Variants in MRPL48 observed in about 807,000 individuals in gnomAD.
MRPL48 encodes the protein mitochondrial ribosomal protein L48.
In MRPL48, 16 loss-of-function variants were observed where a neutral mutation model predicts 32.9. The ratio of observed to expected loss-of-function variants is 0.49; its 90% CI spans 0.33 to 0.74. The LOEUF (loss-of-function observed/expected upper bound fraction) is 0.74, where lower values mean the gene tolerates loss of function less well. MRPL48 is among the 30% of genes least tolerant of loss of function. The pLI, the probability that MRPL48 is intolerant of heterozygous loss-of-function variation, is 0.02. For missense variants in MRPL48, 206 were observed against 245.3 expected (o/e 0.84, Z 1.07); for synonymous variants, 94 against 89.2 (o/e 1.05, Z -0.31).
At chr11:73,803,986 C>G (rs746691041) in intron 1 of MRPL48, among the ~76,000 whole-genome samples, 8 of 152,110 alleles carry the variant, frequency 5.3e-5, no homozygotes, top group Non-Finnish European at 1.0e-4. Context: ...GTGGCGAGAT[C>G]TCGGCTCACT....
At chr11:73,844,657 C>T (rs1362691327) in intron 4 of MRPL48, 150 bp from the exon 5 acceptor site, 1 of 810,076 alleles carries the variant, frequency 1.2e-6, no homozygotes, top group Non-Finnish European at 1.9e-6. Context: ...CTTTCCTTCC[C>T]AGGAGAACTT....
chr11:73,831,799 G>A (rs552892170), intron 4 of MRPL48, among the ~76,000 whole-genome samples: 1 of 151,984 alleles, frequency 6.6e-6, no homozygotes, highest in South Asian at 2.1e-4. Context: ...AATTAGCTGG[G>A]CATGGTGGCG....
intron 1 of MRPL48, 72 bp from the exon 2 acceptor site, chr11:73,804,955 G>T: frequency 7.0e-7 from 1 of 1,434,568 alleles, no homozygotes. Flanking sequence ...TGGGTTTCTT[G>T]CCTCTCTGAG....
intron 3 of MRPL48, among the ~76,000 whole-genome samples, chr11:73,809,902 G>A (rs552999361): frequency 5.9e-5 from 9 of 152,274 alleles, no homozygotes; most frequent in South Asian, 2.1e-4. Context: ...AGAAGATGGC[G>A]GCAATGTGTA....
At chr11:73,858,360 T>C (rs1172941709) in intron 5 of MRPL48, among the ~76,000 whole-genome samples, 1 of 152,246 alleles carries the variant, frequency 6.6e-6, no homozygotes, top group Non-Finnish European at 1.5e-5. Flanking sequence ...AATTAGGTAT[T>C]ATTATTTTCA....
At chr11:73,808,490 G>A (rs569777385) in intron 3 of MRPL48, 140 bp downstream of exon 3, 1 of 786,752 alleles carries the variant, frequency 1.3e-6, no homozygotes, top group Non-Finnish European at 2.0e-6. Context: ...TGTGAGCATG[G>A]AATAGAACCA....
intron 1 of MRPL48, among the ~76,000 whole-genome samples, chr11:73,796,435 C>T (rs1017655270): frequency 2.6e-5 from 4 of 152,262 alleles, no homozygotes; most frequent in Non-Finnish European, 4.4e-5. Flanking sequence ...AGTGCTGACA[C>T]GCCAGCCTCT....
intron 1 of MRPL48, among the ~76,000 whole-genome samples, chr11:73,791,662 G>A (rs570706879): frequency 2.0e-5 from 3 of 151,956 alleles, no homozygotes; most frequent in African/African-American, 7.2e-5. Context: ...CAAGTGATCT[G>A]CCCGCCTCGG....
intron 1 of MRPL48, among the ~76,000 whole-genome samples, chr11:73,802,445 A>C (rs1304607413): frequency 6.6e-6 from 1 of 152,142 alleles, no homozygotes; most frequent in Non-Finnish European, 1.5e-5. Context: ...CCCAAAAAAA[A>C]ACTCCATACC....
At chr11:73,789,854 C>G (rs1263366917) in intron 1 of MRPL48, among the ~76,000 whole-genome samples, 2 of 152,086 alleles carry the variant, frequency 1.3e-5, no homozygotes, top group Non-Finnish European at 2.9e-5. Flanking sequence ...ATAATAGAGA[C>G]TTTAATGTCA....
rs942186019 is a variant in MRPL48, at chr11:73,850,237, A to G, written c.371+5261A>G. On this transcript the variant is annotated intron_variant, in intron 5 of 7. Coordinates refer to ENST00000310614, the MANE Select transcript of MRPL48 (RefSeq NM_016055.6). ...ACTGAGTCAGAAAATTATTTTAATA[A>G]CAAAAATTTTTTTTTTACAGAATCA... 4.0e-5 allele frequency among the ~76,000 whole-genome samples: 6 copies of G among 151,226 alleles called. 1 individual carries two copies. Among genetic ancestry groups the G allele is most frequent in the African/African-American group, 1.2e-4 (5 of 41,140 alleles).
At chr11:73,790,675 T>C (rs4514449) in intron 1 of MRPL48, among the ~76,000 whole-genome samples, 78,001 of 151,284 alleles carry the variant, frequency 0.52, 21,466 homozygotes, top group African/African-American at 0.73. Flanking sequence ...TGAGCAACCG[T>C]GCCTGGCCGC....
rs1948556074 is a variant in MRPL48, at chr11:73,860,003, G to T, written c.468G>T (p.Val156=). Residue 156 remains valine, a synonymous_variant, in exon 6 of 8, where the codon GTG becomes GTT. Coordinates refer to ENST00000310614, the MANE Select transcript of MRPL48 (RefSeq NM_016055.6). ...CAGTGCTTACCACCCATGAGCGAGT[G>T]GTTCAGGTAGGCACTCCAGGAGAAT... ...LDSVLTTHER[V]VQISGLSATF... 6.2e-7 allele frequency: 1 copy of T among 1,612,854 alleles called. No individual in the cohort carries two copies. Among genetic ancestry groups the T allele is most frequent in the Non-Finnish European group, 8.5e-7 (1 of 1,179,476 alleles).
intron 4 of MRPL48, among the ~76,000 whole-genome samples, chr11:73,835,072 A>G (rs976650456): frequency 6.7e-6 from 1 of 150,344 alleles, no homozygotes; most frequent in Non-Finnish European, 1.5e-5. Context: ...GGCTCAAGCA[A>G]TCTACCCACC....
chr11:73,793,205 A>G (rs913191972), intron 1 of MRPL48, among the ~76,000 whole-genome samples: 5 of 152,318 alleles, frequency 3.3e-5, no homozygotes, highest in African/African-American at 1.2e-4. Flanking sequence ...AGCTGGGATA[A>G]CAGGCATGCA....
At chr11:73,821,922 C>T (rs1400235048) in intron 3 of MRPL48, among the ~76,000 whole-genome samples, 1 of 152,144 alleles carries the variant, frequency 6.6e-6, no homozygotes, top group Non-Finnish European at 1.5e-5. Context: ...AATGGATGAT[C>T]ATACTTTGGA....
At chr11:73,844,312 T>C (rs1202597333) in intron 4 of MRPL48, among the ~76,000 whole-genome samples, 3 of 151,920 alleles carry the variant, frequency 2.0e-5, no homozygotes, top group Admixed American at 2.0e-4. Context: ...GCGCCTGTCG[T>C]CCCAGCTACT....
At chr11:73,812,272 A>G (rs1418993307) in intron 3 of MRPL48, among the ~76,000 whole-genome samples, 1 of 151,994 alleles carries the variant, frequency 6.6e-6, no homozygotes, top group Non-Finnish European at 1.5e-5. Context: ...ATATATGAAG[A>G]TTTATATTAT....
rs1270298206 is a variant in MRPL48, at chr11:73,805,095, A to G, written c.74+16A>G. 4 of 1,546,508 alleles carry G rather than the reference A, an allele frequency of 2.6e-6. No individual in the cohort carries two copies. Among genetic ancestry groups the G allele is most frequent in the Non-Finnish European group, 3.5e-6 (4 of 1,141,666 alleles). ...CTCTCTTAAGGTAAGAATATTAAAA[A>G]CAATAATTAAATATAGGTAACATTT... On this transcript the variant is annotated intron_variant, in intron 2 of 7. Transcript: ENST00000310614.
Sources: gnomAD v4.1 joint callset for allele counts (sites outside exome capture counted in the v4.1 genomes callset) on GRCh38, gnomAD v4.1.1 for gene constraint, MANE v1.5 for transcripts, NCBI Gene and HGNC (gene_info 2026-07-23, HGNC 2026-07-21) for gene names.